REDIC1: variants seen among roughly 807,000 people sequenced by gnomAD.
REDIC1 encodes HEI10 Interacting Protein 1.
At chr12:39,746,667 G>A in the REDIC1 span, among the ~76,000 whole-genome samples, 1 of 152,332 alleles carries the variant, frequency 6.6e-6, no homozygotes, top group South Asian at 2.1e-4. Context: ...CTAACTGGGA[G>A]GGACCCCCAA....
At chr12:39,785,758 T>C in the REDIC1 span, among the ~76,000 whole-genome samples, 1 of 152,102 alleles carries the variant, frequency 6.6e-6, no homozygotes, top group Non-Finnish European at 1.5e-5. Flanking sequence ...GGAACCCACC[T>C]CTTGCATCAG....
At chr12:39,733,906 A>AT in the REDIC1 span, among the ~76,000 whole-genome samples, 5 of 152,110 alleles carry the variant, frequency 3.3e-5, no homozygotes, top group Non-Finnish European at 7.4e-5. Context: ...TTCCAGGGGA[A>AT]TGAACAGTTC....
At chr12:39,745,512 T>C in the REDIC1 span, among the ~76,000 whole-genome samples, 4 of 152,334 alleles carry the variant, frequency 2.6e-5, no homozygotes, top group South Asian at 8.3e-4. Context: ...ATAGGATTTT[T>C]GTGAGGATAG....
chr12:39,663,087 T>C, the REDIC1 span, among the ~76,000 whole-genome samples: 1 of 152,088 alleles, frequency 6.6e-6, no homozygotes, highest in Non-Finnish European at 1.5e-5. Context: ...TAATTTTCTT[T>C]TTGTTGTATC....
At chr12:39,809,688 G>A in the REDIC1 span, among the ~76,000 whole-genome samples, 2 of 152,060 alleles carry the variant, frequency 1.3e-5, no homozygotes, top group African/African-American at 4.8e-5. Flanking sequence ...TCTGGTGTGT[G>A]ATGTTCCCCT....
the REDIC1 span, among the ~76,000 whole-genome samples, chr12:39,790,294 T>G: frequency 6.6e-6 from 1 of 151,572 alleles, no homozygotes; most frequent in East Asian, 1.9e-4. Context: ...TATGTATACA[T>G]GTGCTGTGCT....
the REDIC1 span, among the ~76,000 whole-genome samples, chr12:39,804,153 G>C: frequency 7.9e-5 from 12 of 152,170 alleles, no homozygotes; most frequent in African/African-American, 2.7e-4. Flanking sequence ...TCTTATTTAG[G>C]AGACAAACCC....
At chr12:39,700,660 G>GA in the REDIC1 span, among the ~76,000 whole-genome samples, 2 of 151,932 alleles carry the variant, frequency 1.3e-5, no homozygotes, top group Non-Finnish European at 2.9e-5. Context: ...TGAAATGAAG[G>GA]AAAAAATGTT....
At chr12:39,859,726 C>A in the REDIC1 span, among the ~76,000 whole-genome samples, 1 of 152,036 alleles carries the variant, frequency 6.6e-6, no homozygotes, top group Admixed American at 6.6e-5. Context: ...GGGGTTTCAC[C>A]ATGTTGGCCG....
the REDIC1 span, among the ~76,000 whole-genome samples, chr12:39,671,629 C>G: frequency 6.6e-6 from 1 of 152,008 alleles, no homozygotes; most frequent in African/African-American, 2.4e-5. Context: ...GGACGGACAA[C>G]CCTCAGGTTT....
chr12:39,668,874 G>A, the REDIC1 span, among the ~76,000 whole-genome samples: 2 of 151,976 alleles, frequency 1.3e-5, no homozygotes, highest in East Asian at 1.9e-4. Flanking sequence ...CATTCATCAC[G>A]CAGTTCTCAT....
chr12:39,713,790 TAG>T, the REDIC1 span, among the ~76,000 whole-genome samples: 1 of 148,986 alleles, frequency 6.7e-6, no homozygotes, highest in South Asian at 2.1e-4. Context: ...TAAATATACA[TAG>T]ATGTATATAT....
the REDIC1 span, chr12:39,646,392 A>G: frequency 1.4e-6 from 2 of 1,464,774 alleles, no homozygotes; most frequent in South Asian, 1.5e-5. Context: ...CTAAGAAAGC[A>G]TAATTTAGAA....
At chr12:39,659,800 AT>A in the REDIC1 span, among the ~76,000 whole-genome samples, 1 of 151,690 alleles carries the variant, frequency 6.6e-6, no homozygotes, top group South Asian at 2.1e-4. Flanking sequence ...ATTCCTGGTA[AT>A]TTTGTTGGAT....
chr12:39,744,023 C>T, the REDIC1 span, among the ~76,000 whole-genome samples: 2 of 151,888 alleles, frequency 1.3e-5, no homozygotes, highest in Non-Finnish European at 2.9e-5. Context: ...ACAATAAACC[C>T]CTCAAAATGG....
At chr12:39,799,997 A>G in the REDIC1 span, among the ~76,000 whole-genome samples, 1 of 152,198 alleles carries the variant, frequency 6.6e-6, no homozygotes, top group Non-Finnish European at 1.5e-5. Flanking sequence ...ATGAAGATTG[A>G]TGTCTACCTT....
chr12:39,664,063 A>C, the REDIC1 span, among the ~76,000 whole-genome samples: 1 of 151,370 alleles, frequency 6.6e-6, no homozygotes, highest in Non-Finnish European at 1.5e-5. Context: ...TGTTTTTAGA[A>C]TTATTTGTCT....
chr12:39,885,928 A>T, the REDIC1 span, among the ~76,000 whole-genome samples: 1 of 152,128 alleles, frequency 6.6e-6, no homozygotes, highest in Admixed American at 6.6e-5. Flanking sequence ...AGGTTTTGTG[A>T]CCCAGTTTGT....
At chr12:39,653,538 T>TCTTCTTCTTCTTTTCTTCTTCTTCTTC in the REDIC1 span, among the ~76,000 whole-genome samples, 3 of 66,688 alleles carry the variant, frequency 4.5e-5, no homozygotes, top group African/African-American at 1.4e-4. Flanking sequence ...TTCTTCTTCT[T>TCTTCTTCTTCTTTTCTTCTTCTTCTTC]TTTCTTCTTC....
Sources: gnomAD v4.1 joint callset for allele counts (sites outside exome capture counted in the v4.1 genomes callset) on GRCh38, gnomAD v4.1.1 for gene constraint, MANE v1.5 for transcripts, NCBI Gene and HGNC (gene_info 2026-07-23, HGNC 2026-07-21) for gene names.